The following ARPP21 variants were observed in gnomAD, a reference collection of about 807,000 sequenced individuals.
ARPP21 encodes cAMP regulated phosphoprotein 21, also known as cAMP-regulated phosphoprotein 21.
Under a neutral mutation model 113.2 loss-of-function variants are expected in ARPP21, and 69 were observed. That is an observed-to-expected ratio of 0.61 (90% CI 0.50 to 0.74). The LOEUF (loss-of-function observed/expected upper bound fraction) is 0.74, where lower values mean the gene tolerates loss of function less well. ARPP21 is among the 30% of genes least tolerant of loss of function. The pLI is 0.00. For synonymous variants in ARPP21, 368 were observed against 375.5 expected, an observed-to-expected ratio of 0.98 and a Z score of 0.23; for missense variants, 1,070 against 1,037.4, an observed-to-expected ratio of 1.03 and a Z score of -0.43.
At chr3:35,767,667 A>C (rs755619171) in intron 19 of ARPP21, among the ~76,000 whole-genome samples, 6 of 152,182 alleles carry the variant, frequency 3.9e-5, no homozygotes, top group Non-Finnish European at 7.4e-5. Flanking sequence ...ATTAACAAGA[A>C]GGGACTTATA....
At chr3:35,644,628 A>C (rs1699462737) in intron 1 of ARPP21, among the ~76,000 whole-genome samples, 1 of 151,938 alleles carries the variant, frequency 6.6e-6, no homozygotes, top group Admixed American at 6.6e-5. Context: ...TATGCAGCAA[A>C]CCAAAAAAGT....
chr3:35,647,238 G>T (rs902271115), intron 1 of ARPP21, among the ~76,000 whole-genome samples: 2 of 152,136 alleles, frequency 1.3e-5, no homozygotes, highest in Non-Finnish European at 2.9e-5. Flanking sequence ...GTGATAGAAT[G>T]TGTATATTGC....
intron 14 of ARPP21, among the ~76,000 whole-genome samples, chr3:35,725,194 T>A (rs934496339): frequency 6.6e-6 from 1 of 152,138 alleles, no homozygotes; most frequent in African/African-American, 2.4e-5. Flanking sequence ...GAAGTTAGGC[T>A]CCTATCCTCC....
intron 15 of ARPP21, among the ~76,000 whole-genome samples, chr3:35,736,970 A>T (rs1043513752): frequency 2.6e-5 from 4 of 152,226 alleles, no homozygotes; most frequent in Non-Finnish European, 5.9e-5. Flanking sequence ...GCTGCTTCTT[A>T]AATTGCTATG....
intron 16 of ARPP21, 125 bp downstream of exon 16, chr3:35,737,487 G>A (rs1195008017): frequency 3.3e-6 from 2 of 599,848 alleles, no homozygotes; most frequent in Non-Finnish European, 5.4e-6. Context: ...ATAAAACCTG[G>A]CAGCATAGAG....
intron 9 of ARPP21, among the ~76,000 whole-genome samples, chr3:35,699,443 T>C (rs1211118068): frequency 6.6e-6 from 1 of 151,670 alleles, no homozygotes; most frequent in Non-Finnish European, 1.5e-5. Flanking sequence ...ATGAATATGA[T>C]AATAATAATA....
intron 19 of ARPP21, among the ~76,000 whole-genome samples, chr3:35,748,903 G>A (rs79339263): frequency 0.012 from 1,806 of 152,276 alleles, 16 homozygotes; most frequent in Non-Finnish European, 0.015. Flanking sequence ...TTACAGATAG[G>A]TGAAACTATT....
At chr3:35,704,460 T>G (rs977308746) in intron 9 of ARPP21, among the ~76,000 whole-genome samples, 1 of 151,900 alleles carries the variant, frequency 6.6e-6, no homozygotes, top group African/African-American at 2.4e-5. Context: ...GTTCCAAAAC[T>G]AGGAAGGCCA....
intron 15 of ARPP21, among the ~76,000 whole-genome samples, chr3:35,736,008 C>T (rs911763968): frequency 6.6e-6 from 1 of 152,096 alleles, no homozygotes; most frequent in Non-Finnish European, 1.5e-5. Flanking sequence ...CCAGTTGTTC[C>T]ATGTACTCAT....
At chr3:35,668,012 A>AAGAAGG (rs2075247858) in intron 1 of ARPP21, among the ~76,000 whole-genome samples, 2 of 143,732 alleles carry the variant, frequency 1.4e-5, no homozygotes, top group African/African-American at 2.6e-5. Context: ...GAAGAAGAAG[A>AAGAAGG]AGAAGAAGAA....
intron 15 of ARPP21, among the ~76,000 whole-genome samples, chr3:35,730,298 A>G (rs1356112330): frequency 1.3e-5 from 2 of 152,212 alleles, no homozygotes; most frequent in East Asian, 3.9e-4. Flanking sequence ...ACATCTGCCA[A>G]TTTGCAGGGG....
intron 13 of ARPP21, among the ~76,000 whole-genome samples, chr3:35,717,566 G>T (rs1417955676): frequency 6.6e-6 from 1 of 152,006 alleles, no homozygotes; most frequent in South Asian, 2.1e-4. Flanking sequence ...TCTACAATTC[G>T]TTAGGGTTCT....
chr3:35,702,239 C>T (rs1251234601), intron 9 of ARPP21, among the ~76,000 whole-genome samples: 1 of 151,582 alleles, frequency 6.6e-6, no homozygotes, highest in Non-Finnish European at 1.5e-5. Flanking sequence ...CTATGTTACT[C>T]AATATTATTG....
At chr3:35,752,619 C>T (rs954243388) in intron 19 of ARPP21, among the ~76,000 whole-genome samples, 33 of 152,040 alleles carry the variant, frequency 2.2e-4, no homozygotes, top group African/African-American at 7.7e-4. Context: ...CTTTAATGTG[C>T]ATGGAAACCC....
chr3:35,738,187 A>G (rs1254849994), intron 16 of ARPP21, 27 bp from the exon 17 acceptor site: 1 of 1,429,420 alleles, frequency 7.0e-7, no homozygotes, highest in Non-Finnish European at 9.5e-7. Flanking sequence ...CTTTTCTGTC[A>G]GCTGATCAAT....
chr3:35,748,011 AAAAG>A (rs959979426), intron 19 of ARPP21, among the ~76,000 whole-genome samples: 3 of 148,790 alleles, frequency 2.0e-5, no homozygotes, highest in Non-Finnish European at 4.5e-5. Flanking sequence ...GGAAGGAAGG[AAAAG>A]AAAGAAAGAC....
At chr3:35,773,788 C>T (rs928391932) in intron 19 of ARPP21, among the ~76,000 whole-genome samples, 2 of 151,998 alleles carry the variant, frequency 1.3e-5, no homozygotes, top group African/African-American at 2.4e-5. Flanking sequence ...AAGTAACAGC[C>T]GTATGTGTTT....
At chr3:35,696,550 C>T (rs1170806789) in intron 9 of ARPP21, among the ~76,000 whole-genome samples, 1 of 151,504 alleles carries the variant, frequency 6.6e-6, no homozygotes, top group African/African-American at 2.4e-5. Flanking sequence ...TTAGTTAGTT[C>T]CTGTCTTCTA....
At chr3:35,645,974 A>AT (rs1700069716) in intron 1 of ARPP21, among the ~76,000 whole-genome samples, 1 of 152,046 alleles carries the variant, frequency 6.6e-6, no homozygotes, top group South Asian at 2.1e-4. Flanking sequence ...TTGAACATCA[A>AT]TTTCTAAAAG....
Sources: gnomAD v4.1 joint callset for allele counts (sites outside exome capture counted in the v4.1 genomes callset) on GRCh38, gnomAD v4.1.1 for gene constraint, MANE v1.5 for transcripts, NCBI Gene and HGNC (gene_info 2026-07-23, HGNC 2026-07-21) for gene names.